Variants in AMPH observed in about 807,000 individuals in gnomAD.
The protein encoded by AMPH is amphiphysin.
A neutral mutation model predicts 99.1 loss-of-function variants in AMPH; 49 were observed. That is an observed-to-expected ratio of 0.49 (90% CI 0.39 to 0.63). The LOEUF is 0.63. Among genes scored for constraint, AMPH ranks in the 20% least tolerant of loss-of-function variants. AMPH has a pLI of 0.00. For synonymous variants in AMPH, 314 were observed against 317.3 expected, an observed-to-expected ratio of 0.99 and a Z score of 0.11; for missense variants, 759 against 863.4, an observed-to-expected ratio of 0.88 and a Z score of 1.52.
At chr7:38,582,397 A>G (rs1250389394) in intron 1 of AMPH, among the ~76,000 whole-genome samples, 2 of 152,224 alleles carry the variant, frequency 1.3e-5, no homozygotes, top group African/African-American at 2.4e-5. Context: ...ATAAAAAAGC[A>G]TATAGATCAG....
intron 9 of AMPH, chr7:38,463,325 T>G: frequency 5.8e-6 from 4 of 688,720 alleles, no homozygotes; most frequent in Non-Finnish European, 7.8e-6. Context: ...ATGTATTATC[T>G]TTTGTCTTCA....
chr7:38,409,815 G>C (rs555197377), intron 17 of AMPH, among the ~76,000 whole-genome samples: 1 of 152,138 alleles, frequency 6.6e-6, no homozygotes, highest in Non-Finnish European at 1.5e-5. Context: ...CAAAGTTAAT[G>C]AATTTTTGGT....
At chr7:38,605,282 AGGGGTTTTTAG>A in intron 1 of AMPH, among the ~76,000 whole-genome samples, 1 of 152,226 alleles carries the variant, frequency 6.6e-6, no homozygotes, top group Admixed American at 6.5e-5. Context: ...AGAGGAAGAA[AGGGGTTTTTAG>A]GGGGCTACAC....
chr7:38,618,762 C>T (rs1187950663), intron 1 of AMPH, among the ~76,000 whole-genome samples: 2 of 151,744 alleles, frequency 1.3e-5, no homozygotes, highest in Non-Finnish European at 2.9e-5. Context: ...GTAAAAGAAA[C>T]AACAAGGGAA....
intron 11 of AMPH, 43 bp downstream of exon 11, chr7:38,461,239 CA>C (rs1265995755): frequency 6.2e-7 from 1 of 1,609,746 alleles, no homozygotes. Context: ...GTCCTTCCAC[CA>C]TGGGACTTTC....
intron 1 of AMPH, among the ~76,000 whole-genome samples, chr7:38,536,698 T>A (rs10237576): frequency 6.6e-6 from 1 of 151,798 alleles, no homozygotes; most frequent in African/African-American, 2.4e-5. Context: ...ATGCTATTTT[T>A]CATTGTAAAT....
chr7:38,576,722 C>T (rs1206668915), intron 1 of AMPH, among the ~76,000 whole-genome samples: 1 of 152,094 alleles, frequency 6.6e-6, no homozygotes, highest in Non-Finnish European at 1.5e-5. Context: ...AACCCCCAGA[C>T]TCATGCCTGA....
intron 1 of AMPH, among the ~76,000 whole-genome samples, chr7:38,535,766 C>T (rs1346978278): frequency 2.0e-5 from 3 of 152,126 alleles, no homozygotes; most frequent in Non-Finnish European, 2.9e-5. Flanking sequence ...GCAGTTCACA[C>T]TAGGGTTTGC....
At chr7:38,396,800 GAGA>G (rs1376950051) in intron 17 of AMPH, among the ~76,000 whole-genome samples, 12 of 152,212 alleles carry the variant, frequency 7.9e-5, no homozygotes, top group African/African-American at 2.7e-4. Flanking sequence ...TCTTAATCCT[GAGA>G]AGAACAAGGA....
At chr7:38,525,277 T>TATATATATATATATATATAGAG (rs1481528083) in intron 2 of AMPH, among the ~76,000 whole-genome samples, 4 of 86,656 alleles carry the variant, frequency 4.6e-5, no homozygotes, top group African/African-American at 1.4e-4. Flanking sequence ...TATATATATA[T>TATATATATATATATATATAGAG]AGAGAGAGAG....
intron 11 of AMPH, among the ~76,000 whole-genome samples, chr7:38,458,119 A>G (rs994681824): frequency 1.1e-4 from 17 of 152,162 alleles, no homozygotes; most frequent in African/African-American, 3.9e-4. Flanking sequence ...ACTAGGGACT[A>G]TGTTCACTAT....
At chr7:38,629,153 G>A (rs1794366154) in intron 1 of AMPH, among the ~76,000 whole-genome samples, 1 of 152,204 alleles carries the variant, frequency 6.6e-6, no homozygotes, top group African/African-American at 2.4e-5. Context: ...GCCTCTGACA[G>A]TAACATACTG....
chr7:38,584,162 T>C (rs1792564737), intron 1 of AMPH, among the ~76,000 whole-genome samples: 1 of 152,240 alleles, frequency 6.6e-6, no homozygotes, highest in Non-Finnish European at 1.5e-5. Context: ...TTTCATGCTC[T>C]TATTGCAGCA....
intron 11 of AMPH, among the ~76,000 whole-genome samples, chr7:38,453,902 TGGGCAGTA>T (rs1251830739): frequency 6.6e-6 from 1 of 152,242 alleles, no homozygotes; most frequent in African/African-American, 2.4e-5. Flanking sequence ...AGAATGAAGC[TGGGCAGTA>T]GCAAATGCAA....
intron 11 of AMPH, among the ~76,000 whole-genome samples, chr7:38,437,259 T>C (rs374858243): frequency 1.3e-5 from 2 of 152,248 alleles, no homozygotes; most frequent in East Asian, 3.9e-4. Flanking sequence ...CAAAGTCCCA[T>C]AAAGTACATC....
intron 7 of AMPH, among the ~76,000 whole-genome samples, chr7:38,469,709 C>T (rs1282433747): frequency 6.6e-6 from 1 of 152,130 alleles, no homozygotes; most frequent in Non-Finnish European, 1.5e-5. Flanking sequence ...CAATGGCATG[C>T]CTCATGGTTT....
chr7:38,417,703 A>G (rs1326524768), intron 17 of AMPH, 122 bp downstream of exon 17: 7 of 1,301,646 alleles, frequency 5.4e-6, no homozygotes, highest in Non-Finnish European at 7.4e-6. Flanking sequence ...CCTGGGAGCT[A>G]CGACAGATAT....
At chr7:38,465,820 C>CTCCA (rs1426741025) in intron 8 of AMPH, among the ~76,000 whole-genome samples, 1 of 152,144 alleles carries the variant, frequency 6.6e-6, no homozygotes, top group Admixed American at 6.5e-5. Context: ...TTTACATTGA[C>CTCCA]TCCACCCTTT....
At chr7:38,619,504 T>C (rs1793983946) in intron 1 of AMPH, among the ~76,000 whole-genome samples, 1 of 152,014 alleles carries the variant, frequency 6.6e-6, no homozygotes, top group African/African-American at 2.4e-5. Context: ...AGATAGAAGA[T>C]CAACAAGAAA....
Sources: allele counts gnomAD v4.1 joint callset (sites outside exome capture counted in the v4.1 genomes callset), GRCh38; gene constraint gnomAD v4.1.1; transcripts MANE v1.5; gene names NCBI Gene and HGNC (gene_info 2026-07-23, HGNC 2026-07-21).